The following LSM12 variants were observed in gnomAD, a reference collection of about 807,000 sequenced individuals.
LSM12 encodes LSM12 homolog.
For synonymous variants in LSM12, 74 were observed against 87.3 expected (o/e 0.85, Z 0.85); for missense variants, 108 against 238.9 (o/e 0.45, Z 3.61).
At chr17:44,061,249 G>A (rs966120539) in intron 2 of LSM12, among the ~76,000 whole-genome samples, 1 of 151,168 alleles carries the variant, frequency 6.6e-6, no homozygotes, top group Non-Finnish European at 1.5e-5. Flanking sequence ...CCCGGGAGGC[G>A]GAGGTTGCGG....
intron 2 of LSM12, among the ~76,000 whole-genome samples, chr17:44,061,135 C>T (rs937055888): frequency 2.0e-5 from 3 of 151,906 alleles, no homozygotes; most frequent in East Asian, 1.9e-4. Flanking sequence ...CTGACCAACA[C>T]GGAGAAACCC....
chr17:44,054,979 C>T (rs1260968622), intron 2 of LSM12, among the ~76,000 whole-genome samples: 1 of 152,000 alleles, frequency 6.6e-6, no homozygotes, highest in Non-Finnish European at 1.5e-5. Context: ...GCTGGGACTA[C>T]AGGCGTGTGC....
intron 1 of LSM12, 21 bp downstream of exon 1, chr17:44,066,443 G>T: frequency 6.4e-7 from 1 of 1,552,416 alleles, no homozygotes; most frequent in South Asian, 1.2e-5. Flanking sequence ...CCGGACTCGG[G>T]CTTCACGCAG....
intron 2 of LSM12, among the ~76,000 whole-genome samples, chr17:44,043,832 C>T (rs562531641): frequency 6.6e-6 from 1 of 151,332 alleles, no homozygotes; most frequent in South Asian, 2.1e-4. Context: ...AATCTGAAGT[C>T]TTTAAGGAAA....
intron 3 of LSM12, among the ~76,000 whole-genome samples, chr17:44,039,728 CCT>C (rs1195695910): frequency 1.3e-5 from 2 of 152,162 alleles, no homozygotes; most frequent in Non-Finnish European, 2.9e-5. Context: ...GCTCTAACTC[CCT>C]GTGTTCATCC....
At chr17:44,065,217 G>A (rs1368039529) in intron 1 of LSM12, among the ~76,000 whole-genome samples, 3 of 151,862 alleles carry the variant, frequency 2.0e-5, no homozygotes, top group African/African-American at 2.4e-5. Context: ...AGCGGATCAC[G>A]AGGTCAGAAG....
At position 44,059,224 on chromosome 17, in the gene LSM12, T is replaced by A. The variant is rs1002466456; in HGVS notation, c.258+4577A>T. On this transcript the variant is annotated intron_variant, in intron 2 of 4. Coordinates refer to ENST00000293406, the MANE Select transcript of LSM12 (RefSeq NM_001371445.1). ...CACACACACGAAACATAACTTAGCA[T>A]TGTACATTATTCAGGGTACTTCATG... Among the ~76,000 whole-genome samples the A allele has an allele frequency of 1.7e-4, 26 of 152,120 alleles. 1 individual carries two copies. Among genetic ancestry groups the A allele is most frequent in the South Asian group, 1.7e-3 (8 of 4,816 alleles).
intron 3 of LSM12, among the ~76,000 whole-genome samples, chr17:44,038,420 A>C (rs1009977648): frequency 6.6e-6 from 1 of 151,372 alleles, no homozygotes; most frequent in Non-Finnish European, 1.5e-5. Flanking sequence ...AGCACTTTGG[A>C]GGCCGAAGTG....
chr17:44,052,296 G>A (rs538128022), intron 2 of LSM12, among the ~76,000 whole-genome samples: 24 of 150,264 alleles, frequency 1.6e-4, no homozygotes, highest in African/African-American at 5.6e-4. Flanking sequence ...GGGCAACACA[G>A]TGAGACCCTG....
chr17:44,047,110 C>T (rs1209366812), intron 2 of LSM12, among the ~76,000 whole-genome samples: 2 of 152,176 alleles, frequency 1.3e-5, no homozygotes, highest in Non-Finnish European at 2.9e-5. Flanking sequence ...GCCATTTTAG[C>T]AGAAGTATAG....
At position 44,034,363 on chromosome 17, in the gene LSM12, G is replaced by A. The variant is rs1047771523; in HGVS notation, c.*1845C>T. Among the ~76,000 whole-genome samples, 116 of 150,824 alleles carry A rather than the reference G, an allele frequency of 7.7e-4. No homozygotes were observed. The highest frequency in any genetic ancestry group is 2.6e-3 in the African/African-American group (103 of 40,202). On this transcript the variant is annotated 3_prime_UTR_variant, in exon 5 of 5. Transcript: ENST00000293406. The stretch of plus-strand genomic sequence containing the variant: ...CTGAAAGTTTACTTCTCAGCTCGCC[G>A]ACCATTTGTGCCTCCAAACAGTCCT...
rs35411238 is a variant in LSM12, at chr17:44,039,365, CTTTTTT to C, written c.368+776_368+781del. Among the ~76,000 whole-genome samples the C allele has an allele frequency of 7.0e-3, 355 of 51,056 alleles. 1 individual carries two copies. Among genetic ancestry groups the C allele is most frequent in the African/African-American group, 0.028 (332 of 12,024 alleles). The allele number at this position is 51,056 out of a possible 152,430, so 33.5% of individuals were successfully genotyped here. On this transcript the variant is annotated intron_variant, in intron 3 of 4. Coordinates refer to ENST00000293406, the MANE Select transcript of LSM12 (RefSeq NM_001371445.1). ...CCACCGTGCCCGACCAACAAAATGT[CTTTTTT>C]TTTTTTTTTTTTTTTTTTTTTGAGA...
intron 2 of LSM12, among the ~76,000 whole-genome samples, chr17:44,043,806 TA>T (rs768294471): frequency 0.01 from 1,388 of 135,400 alleles, 2 homozygotes; most frequent in Middle Eastern, 0.022. Context: ...CTGCCTCTAT[TA>T]AAAAAAAAAA....
Position 44,066,618 on chromosome 17 carries a change from G to GGCGGCAGCA in LSM12, c.-40_-32dup. ...GAGTGCAGCCGCGGCCGGCGGCGGC[G>GGCGGCAGCA]GCGGCAGCAGCGGGCGAAAGCCGGG... On this transcript the variant is annotated 5_prime_UTR_variant, in exon 1 of 5. Coordinates refer to ENST00000293406, the MANE Select transcript of LSM12 (RefSeq NM_001371445.1). The GGCGGCAGCA allele has an allele frequency of 7.6e-7, 1 of 1,319,992 alleles. No individual in the cohort carries two copies. Among genetic ancestry groups the GGCGGCAGCA allele is most frequent in the Non-Finnish European group, 9.7e-7 (1 of 1,031,674 alleles). The allele number at this position is 1,319,992 out of a possible 1,614,324, so 81.8% of individuals were successfully genotyped here.
intron 1 of LSM12, among the ~76,000 whole-genome samples, chr17:44,065,367 G>C (rs2049858651): frequency 6.6e-6 from 1 of 151,484 alleles, no homozygotes; most frequent in Non-Finnish European, 1.5e-5. Flanking sequence ...CTCGAACCAG[G>C]GAGTCGGAGG....
At chr17:44,041,282 A>ACAAAC (rs779374869) in intron 2 of LSM12, among the ~76,000 whole-genome samples, 2 of 130,332 alleles carry the variant, frequency 1.5e-5, no homozygotes, top group Non-Finnish European at 3.2e-5. Context: ...TTAAAAAAAA[A>ACAAAC]AAAAACAAAC....
In LSM12 at chr17:44,064,047, A is replaced by C. The variant is rs1287569561; in HGVS notation, c.125-113T>G. On this transcript the variant is annotated intron_variant, in intron 1 of 4. Transcript: ENST00000293406. ...CAAGGCTTGTAAAAGGCAGGCCAGG[A>C]GCATGAGGGCCTTATAAGAATCACG... 4 of 1,148,454 alleles carry C rather than the reference A, an allele frequency of 3.5e-6. No homozygotes were observed. The East Asian group carries it at 7.4e-5, about 21-fold the overall frequency. The allele number at this position is 1,148,454 out of a possible 1,614,324, so 71.1% of individuals were successfully genotyped here.
At chr17:44,045,773 GT>G (rs1567957303) in intron 2 of LSM12, among the ~76,000 whole-genome samples, 1 of 151,520 alleles carries the variant, frequency 6.6e-6, no homozygotes, top group Non-Finnish European at 1.5e-5. Flanking sequence ...GGGTTTCACC[GT>G]ATTGCCCAGG....
chr17:44,042,655 C>T (rs2144076230), intron 2 of LSM12, among the ~76,000 whole-genome samples: 1 of 151,996 alleles, frequency 6.6e-6, no homozygotes, highest in East Asian at 1.9e-4. Flanking sequence ...AGCTCCACCT[C>T]CCAGGTTCAC....
Sources: gnomAD v4.1 joint callset for allele counts (sites outside exome capture counted in the v4.1 genomes callset) on GRCh38, gnomAD v4.1.1 for gene constraint, MANE v1.5 for transcripts, NCBI Gene and HGNC (gene_info 2026-07-23, HGNC 2026-07-21) for gene names.